Variants in GPC5 observed in about 807,000 individuals in gnomAD.
The protein encoded by GPC5 is glypican 5, also known as glypican-5.
GPC5 carries 47 observed loss-of-function variants against 53.9 expected under a neutral mutation model. That is an observed-to-expected ratio of 0.87 (90% confidence interval 0.69 to 1.11). GPC5 has a LOEUF of 1.11. Ranked by LOEUF, GPC5 falls within the 50% of genes most tolerant of loss-of-function variation. GPC5 has a pLI of 0.00. For missense variants in GPC5, 748 were observed against 713.1 expected, an observed-to-expected ratio of 1.05 and a Z score of -0.56; for synonymous variants, 286 against 263.3, an observed-to-expected ratio of 1.09 and a Z score of -0.84.
At position 92,060,110 on chromosome 13, in the gene GPC5, A is replaced by G. The variant is rs191377448; in HGVS notation, c.1402-84720A>G. 14 of 151,906 alleles carry G rather than the reference A, an allele frequency of 9.2e-5. 1 individual carries two copies. In the East Asian group the frequency reaches 2.5e-3, roughly 27 times the overall value. 9.4% of individuals were successfully genotyped at this position (151,906 alleles called of 1,614,324 possible). On this transcript the variant is annotated intron_variant, in intron 6 of 7. Transcript: ENST00000377067. ...ACATTTGATATAGAGTGCTGATATGATTTTTTTCAGGTCTAATGTGTATTC... is the reference window on the plus strand; with the variant it reads ...ACATTTGATATAGAGTGCTGATATGGTTTTTTTCAGGTCTAATGTGTATTC...
At chr13:92,660,158 A>G (rs940690068) in intron 7 of GPC5, among the ~76,000 whole-genome samples, 2 of 151,888 alleles carry the variant, frequency 1.3e-5, no homozygotes, top group African/African-American at 4.9e-5. Context: ...CATAAAGCAT[A>G]TAGTCTTGGT....
intron 7 of GPC5, among the ~76,000 whole-genome samples, chr13:92,517,384 C>A (rs1880836371): frequency 6.6e-6 from 1 of 152,214 alleles, no homozygotes; most frequent in South Asian, 2.1e-4. Context: ...GGACAGACTG[C>A]CTCCTCAAGT....
At chr13:91,938,041 C>T (rs79935649) in intron 6 of GPC5, among the ~76,000 whole-genome samples, 5,595 of 152,016 alleles carry the variant, frequency 0.037, 139 homozygotes, top group Middle Eastern at 0.061. Flanking sequence ...TGGAGATTTC[C>T]GGAGCAAGTT....
At position 91,802,157 on chromosome 13, in the gene GPC5, G is replaced by A. The variant is rs554894099; in HGVS notation, c.1280+45737G>A. Among the ~76,000 whole-genome samples the A allele has an allele frequency of 4.0e-4, 61 of 151,826 alleles. 1 individual carries two copies. The South Asian group carries it at 4.6e-3, about 11-fold the overall frequency. ...TCACTGACTTCAAGAATGAAGCTGC[G>A]GACCCTCGTGGTGAGTGTTACAGTT... On this transcript the variant is annotated intron_variant, in intron 5 of 7. Coordinates refer to ENST00000377067, the MANE Select transcript of GPC5 (RefSeq NM_004466.6).
intron 2 of GPC5, chr13:91,486,911 A>G (rs1883637909): frequency 6.6e-6 from 1 of 152,268 alleles, no homozygotes; most frequent in Non-Finnish European, 1.5e-5. Flanking sequence ...AGAGTCTCTT[A>G]TCTGCTGCCT....
rs1283872272 is a variant in GPC5, at chr13:91,693,268, A to G, written c.407A>G (p.Glu136Gly). Residue 136 changes from glutamate to glycine, a missense_variant, in exon 3 of 8, where the codon GAG becomes GGG. Glu to Gly is a moderately conservative substitution (Grantham distance 98, BLOSUM62 -2). Transcript: ENST00000377067. The stretch of plus-strand genomic sequence containing the variant: ...AGTACCTACAGGAACATGGCCTTGG[A>G]GGCTGCTGCTTCGGTTCAGGAGTTC... ...FCSTYRNMAL[E>G]AAASVQEFFT... 1.2e-6 allele frequency: 2 copies of G among 1,614,078 alleles called. No individual in the cohort carries two copies. Among genetic ancestry groups the G allele is most frequent in the Admixed American group, 1.7e-5 (1 of 60,008 alleles).
chr13:92,285,827 A>T (rs78151583), intron 7 of GPC5, among the ~76,000 whole-genome samples: 12,997 of 152,236 alleles, frequency 0.085, 614 homozygotes, highest in Middle Eastern at 0.12. Flanking sequence ...GGACATAGGC[A>T]TGGGCAAGGA....
chr13:92,303,027 A>G (rs921911211), intron 7 of GPC5, among the ~76,000 whole-genome samples: 5 of 152,208 alleles, frequency 3.3e-5, no homozygotes, highest in African/African-American at 4.8e-5. Flanking sequence ...ATTAATTTTT[A>G]TCTTCTTCCC....
chr13:92,254,373 G>A (rs2042712503), intron 7 of GPC5, among the ~76,000 whole-genome samples: 1 of 152,104 alleles, frequency 6.6e-6, no homozygotes, highest in Non-Finnish European at 1.5e-5. Flanking sequence ...ATTATGACAG[G>A]TATTCTACAT....
At chr13:91,762,550 T>G (rs551460212) in intron 5 of GPC5, among the ~76,000 whole-genome samples, 2 of 151,946 alleles carry the variant, frequency 1.3e-5, no homozygotes, top group African/African-American at 4.8e-5. Flanking sequence ...AGGCAGTATG[T>G]TCTTTATGAC....
At chr13:91,956,702 T>C (rs899862355) in intron 6 of GPC5, among the ~76,000 whole-genome samples, 15 of 152,080 alleles carry the variant, frequency 9.9e-5, no homozygotes, top group African/African-American at 3.4e-4. Flanking sequence ...TCAGAGACAA[T>C]ACTACCCTGT....
intron 6 of GPC5, among the ~76,000 whole-genome samples, chr13:92,023,564 T>C (rs1301334396): frequency 6.6e-6 from 1 of 151,882 alleles, no homozygotes; most frequent in Non-Finnish European, 1.5e-5. Flanking sequence ...ATTATGATTT[T>C]GGAGTTATTC....
chr13:92,744,811 A>G (rs1350155051), intron 7 of GPC5, among the ~76,000 whole-genome samples: 1 of 152,052 alleles, frequency 6.6e-6, no homozygotes, highest in Non-Finnish European at 1.5e-5. Context: ...ATGAAAATAT[A>G]GTGTAAGTTT....
At chr13:92,271,995 T>C (rs561323120) in intron 7 of GPC5, among the ~76,000 whole-genome samples, 1 of 152,288 alleles carries the variant, frequency 6.6e-6, no homozygotes, top group East Asian at 1.9e-4. Context: ...ATCTGATTGT[T>C]TATTTTGGGG....
chr13:92,518,892 T>C (rs1476595791), intron 7 of GPC5, among the ~76,000 whole-genome samples: 1 of 152,142 alleles, frequency 6.6e-6, no homozygotes, highest in East Asian at 1.9e-4. Flanking sequence ...CCATCTCACA[T>C]GCAGAGACAC....
intron 7 of GPC5, among the ~76,000 whole-genome samples, chr13:92,746,658 G>A (rs1361830634): frequency 6.6e-6 from 1 of 152,038 alleles, no homozygotes; most frequent in Non-Finnish European, 1.5e-5. Context: ...ACTTTATGAA[G>A]TGGCCTTAAC....
chr13:92,007,944 G>A (rs1414428850), intron 6 of GPC5, among the ~76,000 whole-genome samples: 1 of 151,824 alleles, frequency 6.6e-6, no homozygotes, highest in Non-Finnish European at 1.5e-5. Context: ...TTTACTCTTT[G>A]GGTGATTGTT....
chr13:91,406,909 A>G (rs1877367854), intron 1 of GPC5, among the ~76,000 whole-genome samples: 1 of 152,184 alleles, frequency 6.6e-6, no homozygotes, highest in African/African-American at 2.4e-5. Flanking sequence ...CTCACCACGT[A>G]TGGGTCAATA....
intron 2 of GPC5, among the ~76,000 whole-genome samples, chr13:91,589,878 A>G (rs1470165042): frequency 6.6e-6 from 1 of 152,150 alleles, no homozygotes; most frequent in Non-Finnish European, 1.5e-5. Context: ...CTTCCTTGCT[A>G]AATTTTTAAC....
Sources: allele counts gnomAD v4.1 joint callset (sites outside exome capture counted in the v4.1 genomes callset), GRCh38; gene constraint gnomAD v4.1.1; transcripts MANE v1.5; gene names NCBI Gene and HGNC (gene_info 2026-07-23, HGNC 2026-07-21).